SLIT2: variants seen among roughly 807,000 people sequenced by gnomAD.
SLIT2 encodes the protein slit homolog 2 protein.
A neutral mutation model predicts 185.7 loss-of-function variants in SLIT2; 41 were observed. The ratio of observed to expected loss-of-function variants is 0.22; its 90% CI spans 0.17 to 0.29. The LOEUF (loss-of-function observed/expected upper bound fraction) is 0.29, where lower values mean the gene tolerates loss of function less well. Among genes scored for constraint, SLIT2 ranks in the 10% least tolerant of loss-of-function variants. SLIT2 has a pLI of 1.00. For synonymous variants in SLIT2, 693 were observed against 680.2 expected, an observed-to-expected ratio of 1.02 and a Z score of -0.29; for missense variants, 1,571 against 1,909.0, an observed-to-expected ratio of 0.82 and a Z score of 3.30.
intron 4 of SLIT2, among the ~76,000 whole-genome samples, chr4:20,457,880 A>G (rs1713252800): frequency 6.6e-6 from 1 of 152,180 alleles, no homozygotes; most frequent in Non-Finnish European, 1.5e-5. Flanking sequence ...TTCACAAGGA[A>G]TAGATCGGAG....
Position 20,288,055 on chromosome 4 carries a change from G to A in SLIT2, c.395+19174G>A, listed in dbSNP as rs190662169. Among the ~76,000 whole-genome samples, 215 of 138,354 alleles carry A rather than the reference G, an allele frequency of 1.6e-3. 1 individual carries two copies. The highest frequency in any genetic ancestry group is 2.7e-3 in the Non-Finnish European group (162 of 60,280). The allele number at this position is 138,354 out of a possible 152,430, so 90.8% of individuals were successfully genotyped here. A position where few individuals can be genotyped will look rare whatever the true frequency, so the allele number is the denominator to read the frequency against. The stretch of plus-strand genomic sequence containing the variant: ...ACAGCCTATATAGTTGCACATAACA[G>A]AGTGTGTTTATGTGTGCAAATTAGT... On this transcript the variant is annotated intron_variant, in intron 4 of 36. Transcript: ENST00000504154.
intron 4 of SLIT2, among the ~76,000 whole-genome samples, chr4:20,315,458 A>C (rs531310722): frequency 6.6e-6 from 1 of 152,260 alleles, no homozygotes; most frequent in Non-Finnish European, 1.5e-5. Flanking sequence ...TGTGCTTGTT[A>C]TAATCCATTT....
At chr4:20,388,126 A>G (rs1437216705) in intron 4 of SLIT2, among the ~76,000 whole-genome samples, 1 of 152,196 alleles carries the variant, frequency 6.6e-6, no homozygotes, top group Non-Finnish European at 1.5e-5. Context: ...GACATAGAAC[A>G]TCATATTTGC....
intron 11 of SLIT2, among the ~76,000 whole-genome samples, chr4:20,512,293 T>C (rs1343345615): frequency 6.6e-6 from 1 of 152,208 alleles, no homozygotes; most frequent in Non-Finnish European, 1.5e-5. Flanking sequence ...GCTGGCACTC[T>C]TTCCAAGGGG....
intron 4 of SLIT2, among the ~76,000 whole-genome samples, chr4:20,322,495 G>A (rs1489461265): frequency 6.6e-6 from 1 of 152,146 alleles, no homozygotes; most frequent in Non-Finnish European, 1.5e-5. Context: ...TTAGCCCTTT[G>A]TGAATGCAGG....
chr4:20,514,544 T>C (rs1184503950), intron 11 of SLIT2, among the ~76,000 whole-genome samples: 2 of 151,850 alleles, frequency 1.3e-5, no homozygotes, highest in Non-Finnish European at 2.9e-5. Flanking sequence ...ACTCGGAGAG[T>C]TGAGGCACGA....
intron 9 of SLIT2, among the ~76,000 whole-genome samples, chr4:20,497,939 C>T (rs1370535593): frequency 6.6e-6 from 1 of 152,044 alleles, no homozygotes; most frequent in African/African-American, 2.4e-5. Flanking sequence ...TTTTAGAGGC[C>T]GAGGCGGGCA....
chr4:20,295,039 G>C (rs1251309145), intron 4 of SLIT2, among the ~76,000 whole-genome samples: 1 of 152,200 alleles, frequency 6.6e-6, no homozygotes. Context: ...AGCTCAAAAA[G>C]ATGAAAGTAA....
At chr4:20,455,464 A>G (rs957919318) in intron 4 of SLIT2, among the ~76,000 whole-genome samples, 1 of 152,182 alleles carries the variant, frequency 6.6e-6, no homozygotes, top group African/African-American at 2.4e-5. Context: ...CTGCAAAGGA[A>G]CCAAAGAGAA....
intron 9 of SLIT2, among the ~76,000 whole-genome samples, chr4:20,493,353 A>G (rs936990546): frequency 5.3e-5 from 8 of 152,338 alleles, no homozygotes; most frequent in African/African-American, 1.4e-4. Context: ...AGAACGAAAT[A>G]CTAAATTTTC....
At chr4:20,446,883 T>C (rs139811982) in intron 4 of SLIT2, among the ~76,000 whole-genome samples, 1 of 152,364 alleles carries the variant, frequency 6.6e-6, no homozygotes, top group East Asian at 1.9e-4. Context: ...TGAGATAATG[T>C]AAATGATATT....
intron 26 of SLIT2, 53 bp from the exon 27 acceptor site, chr4:20,567,209 T>TAA: frequency 6.6e-7 from 1 of 1,522,536 alleles, no homozygotes; most frequent in Non-Finnish European, 9.0e-7. Context: ...TACAAGTAAT[T>TAA]AAAAGTAAAC....
intron 18 of SLIT2, among the ~76,000 whole-genome samples, chr4:20,537,453 AGG>A (rs1271277500): frequency 2.6e-5 from 4 of 152,128 alleles, no homozygotes; most frequent in Admixed American, 2.6e-4. Context: ...TACGAATTTG[AGG>A]GGGACACAGT....
intron 4 of SLIT2, among the ~76,000 whole-genome samples, chr4:20,380,542 T>G (rs1724415678): frequency 6.6e-6 from 1 of 151,956 alleles, no homozygotes; most frequent in South Asian, 2.1e-4. Flanking sequence ...ATGTAGGACA[T>G]GGAGGAAAAC....
At chr4:20,481,658 G>A (rs534104936) in intron 6 of SLIT2, among the ~76,000 whole-genome samples, 5 of 151,924 alleles carry the variant, frequency 3.3e-5, no homozygotes, top group African/African-American at 9.6e-5. Flanking sequence ...AAAAGTTATC[G>A]AGAAATCATA....
intron 4 of SLIT2, among the ~76,000 whole-genome samples, chr4:20,442,291 G>C (rs879313618): frequency 6.6e-6 from 1 of 152,114 alleles, no homozygotes; most frequent in African/African-American, 2.4e-5. Flanking sequence ...AGGCCGAGGC[G>C]GGCGGATCAT....
At chr4:20,400,311 G>A (rs965992949) in intron 4 of SLIT2, among the ~76,000 whole-genome samples, 3 of 151,472 alleles carry the variant, frequency 2.0e-5, no homozygotes, top group Non-Finnish European at 3.0e-5. Context: ...TATAGAAGAG[G>A]GATTTTTAGC....
Position 20,460,324 on chromosome 4 carries a change from A to G in SLIT2, c.396-7428A>G, listed in dbSNP as rs138898682. Among the ~76,000 whole-genome samples the G allele has an allele frequency of 3.9e-4, 60 of 152,326 alleles. No individual in the cohort carries two copies. In the East Asian group the frequency reaches 0.011, roughly 27 times the overall value. ...GAAAGTTATTTAGGAAAGGAATTCAATTAAAACTATTTTTTCAAATTTATT... is the reference window on the plus strand; with the variant it reads ...GAAAGTTATTTAGGAAAGGAATTCAGTTAAAACTATTTTTTCAAATTTATT... On this transcript the variant is annotated intron_variant, in intron 4 of 36. Coordinates refer to ENST00000504154, the MANE Select transcript of SLIT2 (RefSeq NM_004787.4).
In SLIT2 at chr4:20,307,420, A is replaced by C. The variant is rs146650438; in HGVS notation, c.395+38539A>C. 2.4e-3 allele frequency among the ~76,000 whole-genome samples: 367 copies of C among 150,758 alleles called. 2 individuals are homozygous for C. The highest frequency in any genetic ancestry group is 0.024 in the Middle Eastern group (7 of 294). The stretch of plus-strand genomic sequence containing the variant: ...TGACACTGCAGGAGCACACCACCAC[A>C]CTCGGATAAATTCTTAATTTTTTTT... On this transcript the variant is annotated intron_variant, in intron 4 of 36. Transcript: ENST00000504154.
Sources: gnomAD v4.1 joint callset for allele counts (sites outside exome capture counted in the v4.1 genomes callset) on GRCh38, gnomAD v4.1.1 for gene constraint, MANE v1.5 for transcripts, NCBI Gene and HGNC (gene_info 2026-07-23, HGNC 2026-07-21) for gene names.